MACROD2: variants seen among roughly 807,000 people sequenced by gnomAD.
The protein encoded by MACROD2 is mono-ADP ribosylhydrolase 2, also known as ADP-ribose glycohydrolase MACROD2.
Under a neutral mutation model 70.4 loss-of-function variants are expected in MACROD2, and 36 were observed. That is an observed-to-expected ratio of 0.51 (90% CI 0.39 to 0.68). The LOEUF (loss-of-function observed/expected upper bound fraction) is 0.68. MACROD2 is among the 30% of genes least tolerant of loss of function. The pLI, the probability that MACROD2 is intolerant of heterozygous loss-of-function variation, is 0.00. For synonymous variants in MACROD2, 172 were observed against 178.8 expected (o/e 0.96, Z 0.30); for missense variants, 496 against 538.4 (o/e 0.92, Z 0.78).
At chr20:14,154,552 A>ATTTTTTTTT (rs869299523) in intron 3 of MACROD2, among the ~76,000 whole-genome samples, 3 of 106,650 alleles carry the variant, frequency 2.8e-5, no homozygotes, top group African/African-American at 1.1e-4. Flanking sequence ...CGCCCGGCTA[A>ATTTTTTTTT]TTTTTTTTTT....
rs188789361 is a variant in MACROD2 at position 15,104,519 on chromosome 20, C to T, written c.419-125421C>T. On this transcript the variant is annotated intron_variant, in intron 5 of 17. Coordinates refer to ENST00000684519, the MANE Select transcript of MACROD2 (RefSeq NM_001351661.2). ...AAAAGATGGAATGGAAAGAAGATTG[C>T]CATCAAGGGCATACAAAATGACTGT... Among the ~76,000 whole-genome samples the T allele has an allele frequency of 1.9e-3, 285 of 152,256 alleles. 4 individuals are homozygous for T. Among genetic ancestry groups the T allele is most frequent in the Admixed American group, 0.017 (258 of 15,288 alleles).
At chr20:15,289,297 A>G (rs1313692822) in intron 6 of MACROD2, among the ~76,000 whole-genome samples, 3 of 152,222 alleles carry the variant, frequency 2.0e-5, no homozygotes, top group Non-Finnish European at 4.4e-5. Context: ...TTGTGCTGGT[A>G]GTGACACAAG....
chr20:15,077,949 C>T (rs1038402597), intron 5 of MACROD2, among the ~76,000 whole-genome samples: 2 of 151,988 alleles, frequency 1.3e-5, no homozygotes, highest in Admixed American at 6.6e-5. Flanking sequence ...GGGAGGCATT[C>T]TCAGAAAGCT....
chr20:14,370,517 G>A (rs2083312449), intron 3 of MACROD2, among the ~76,000 whole-genome samples: 1 of 152,122 alleles, frequency 6.6e-6, no homozygotes, highest in Non-Finnish European at 1.5e-5. Context: ...GTGAGAGGAA[G>A]TATAGCATAG....
chr20:15,591,509 G>T, intron 8 of MACROD2, among the ~76,000 whole-genome samples: 1 of 144,292 alleles, frequency 6.9e-6, no homozygotes, highest in South Asian at 2.2e-4. Flanking sequence ...TCATAGACAC[G>T]TTGCTGCTTA....
rs117530452 is a variant in MACROD2, at chr20:15,738,143, G to T, written c.646-124602G>T. 1.6e-3 allele frequency among the ~76,000 whole-genome samples: 242 copies of T among 152,216 alleles called. 6 individuals carry two copies. In the East Asian group the frequency reaches 0.035, roughly 22 times the overall value. ...TAGTAGTATTTGATAGCACAGCAGGGTGACTATAGTCAATAATAACTGTAC... is the reference window on the plus strand; with the variant it reads ...TAGTAGTATTTGATAGCACAGCAGGTTGACTATAGTCAATAATAACTGTAC... On this transcript the variant is annotated intron_variant, in intron 8 of 17. Transcript: ENST00000684519.
chr20:14,040,134 TGTGTAGTTAG>T (rs1258949326), intron 2 of MACROD2, among the ~76,000 whole-genome samples: 3 of 152,098 alleles, frequency 2.0e-5, no homozygotes, highest in Non-Finnish European at 4.4e-5. Context: ...TTCTGAGAAA[TGTGTAGTTAG>T]GTGATTTAGT....
intron 5 of MACROD2, among the ~76,000 whole-genome samples, chr20:14,724,377 A>G (rs1388441520): frequency 1.3e-5 from 2 of 152,152 alleles, no homozygotes; most frequent in East Asian, 1.9e-4. Context: ...ATTTTACTCA[A>G]CAAGATTTAT....
intron 5 of MACROD2, among the ~76,000 whole-genome samples, chr20:14,839,384 G>A (rs2073063983): frequency 6.6e-6 from 1 of 152,104 alleles, no homozygotes; most frequent in African/African-American, 2.4e-5. Context: ...CATTGGAAAA[G>A]CAGCTTTTGT....
At chr20:15,894,500 G>A (rs1287776499) in intron 10 of MACROD2, among the ~76,000 whole-genome samples, 1 of 152,144 alleles carries the variant, frequency 6.6e-6, no homozygotes, top group Non-Finnish European at 1.5e-5. Context: ...CCAGGAACAC[G>A]CCTTCTCTGT....
chr20:15,011,263 T>C (rs2075080223), intron 5 of MACROD2, among the ~76,000 whole-genome samples: 1 of 152,046 alleles, frequency 6.6e-6, no homozygotes, highest in Admixed American at 6.5e-5. Flanking sequence ...GTACAATGGA[T>C]TTCCTCTGTG....
chr20:14,735,973 A>G (rs1240553341), intron 5 of MACROD2, among the ~76,000 whole-genome samples: 2 of 152,202 alleles, frequency 1.3e-5, no homozygotes, highest in Non-Finnish European at 1.5e-5. Context: ...CTACGCCTAG[A>G]TATAGATGCC....
chr20:14,357,749 G>C (rs980317119), intron 3 of MACROD2, among the ~76,000 whole-genome samples: 1 of 152,172 alleles, frequency 6.6e-6, no homozygotes, highest in Non-Finnish European at 1.5e-5. Flanking sequence ...AACTTGAACA[G>C]AGAGCAGTTT....
intron 5 of MACROD2, among the ~76,000 whole-genome samples, chr20:14,832,065 G>C (rs382394): frequency 0.035 from 3,963 of 114,220 alleles, 112 homozygotes; most frequent in African/African-American, 0.063. Context: ...TTTTTTGAGA[G>C]GGAGTCTCGC....
chr20:15,027,512 A>G (rs914721636), intron 5 of MACROD2, among the ~76,000 whole-genome samples: 9 of 151,626 alleles, frequency 5.9e-5, no homozygotes, highest in Non-Finnish European at 1.3e-4. Flanking sequence ...TTTTAGCCTT[A>G]ATTTACTCAG....
chr20:14,401,588 A>C (rs887124967), intron 3 of MACROD2, among the ~76,000 whole-genome samples: 13 of 152,156 alleles, frequency 8.5e-5, no homozygotes, highest in Non-Finnish European at 1.6e-4. Context: ...ACAACCATTC[A>C]TCCAATCAGT....
At chr20:16,020,211 T>TAAACTCC (rs2066982807) in intron 15 of MACROD2, among the ~76,000 whole-genome samples, 1 of 152,116 alleles carries the variant, frequency 6.6e-6, no homozygotes, top group Non-Finnish European at 1.5e-5. Context: ...CCCTGAACTC[T>TAAACTCC]AAACTCCAGC....
chr20:15,489,571 G>A (rs895280899), intron 7 of MACROD2, among the ~76,000 whole-genome samples: 7 of 152,212 alleles, frequency 4.6e-5, no homozygotes, highest in Non-Finnish European at 1.0e-4. Flanking sequence ...TAGAATGGGT[G>A]CTGTCACCTG....
intron 5 of MACROD2, among the ~76,000 whole-genome samples, chr20:15,037,238 C>T (rs1289075209): frequency 6.6e-6 from 1 of 152,040 alleles, no homozygotes; most frequent in Non-Finnish European, 1.5e-5. Flanking sequence ...AGTCAGTTGC[C>T]GCCTTGGGAA....
Sources: allele counts gnomAD v4.1 joint callset (sites outside exome capture counted in the v4.1 genomes callset), GRCh38; gene constraint gnomAD v4.1.1; transcripts MANE v1.5; gene names NCBI Gene and HGNC (gene_info 2026-07-23, HGNC 2026-07-21).